The following UNC5B variants were observed in gnomAD, a reference collection of about 807,000 sequenced individuals.
UNC5B encodes the protein netrin receptor UNC5B.
In UNC5B, 56 loss-of-function variants were observed where a neutral mutation model predicts 103.7. That is an observed-to-expected ratio of 0.54 (90% confidence interval 0.44 to 0.67). The LOEUF is 0.67. Ranked by LOEUF, UNC5B falls within the 30% of genes least tolerant of loss-of-function variation. The pLI is 0.00. For missense variants in UNC5B, 1,194 were observed against 1,284.5 expected, an observed-to-expected ratio of 0.93 and a Z score of 1.08; for synonymous variants, 577 against 542.0, an observed-to-expected ratio of 1.06 and a Z score of -0.90.
chr10:71,245,352 C>T (rs747847297), intron 1 of UNC5B, among the ~76,000 whole-genome samples: 1 of 152,280 alleles, frequency 6.6e-6, no homozygotes, highest in East Asian at 1.9e-4. Context: ...CCTACATTCG[C>T]GTTTACCGTG....
intron 13 of UNC5B, 62 bp from the exon 14 acceptor site, chr10:71,295,749 C>T: frequency 6.3e-7 from 1 of 1,576,086 alleles, no homozygotes. Context: ...CGCACAGTGC[C>T]ACAGAAGAGG....
chr10:71,286,082 A>G (rs758341681), intron 4 of UNC5B, among the ~76,000 whole-genome samples: 1 of 152,198 alleles, frequency 6.6e-6, no homozygotes, highest in Non-Finnish European at 1.5e-5. Context: ...CCCCTGGCCC[A>G]TATATGCTAG....
chr10:71,281,813 C>T (rs1347875988), intron 2 of UNC5B, among the ~76,000 whole-genome samples: 1 of 152,236 alleles, frequency 6.6e-6, no homozygotes, highest in Non-Finnish European at 1.5e-5. Flanking sequence ...GTGGCGTACA[C>T]ATAGCACAGA....
intron 1 of UNC5B, among the ~76,000 whole-genome samples, chr10:71,219,621 A>G (rs1292821767): frequency 1.3e-5 from 2 of 152,186 alleles, no homozygotes; most frequent in Non-Finnish European, 2.9e-5. Flanking sequence ...AGACACACCC[A>G]GGATCAATAC....
At chr10:71,241,017 G>T (rs559272384) in intron 1 of UNC5B, among the ~76,000 whole-genome samples, 40 of 152,334 alleles carry the variant, frequency 2.6e-4, no homozygotes, top group African/African-American at 8.4e-4. Flanking sequence ...GTGTCTGAGA[G>T]TCCATCATCA....
chr10:71,275,087 C>G lies in UNC5B; in HGVS notation c.80-4734C>G, dbSNP rs115881130. Among the ~76,000 whole-genome samples the G allele has an allele frequency of 3.2e-3, 484 of 152,354 alleles. 2 individuals carry two copies. The highest frequency in any genetic ancestry group is 0.01 in the African/African-American group (427 of 41,576). On this transcript the variant is annotated intron_variant, in intron 1 of 16. Transcript: ENST00000335350. The stretch of plus-strand genomic sequence containing the variant: ...CAGCTGGGATGCAAACCCAGGGCCT[C>G]TGCCTCCAGCGATCTTTCGTGTCCT...
chr10:71,275,571 G>A (rs1379957815), intron 1 of UNC5B, among the ~76,000 whole-genome samples: 8 of 152,226 alleles, frequency 5.3e-5, no homozygotes, highest in Non-Finnish European at 1.2e-4. Flanking sequence ...TCGGAAGACA[G>A]ATTCTAGTAT....
At chr10:71,260,245 A>T (rs768115735) in intron 1 of UNC5B, among the ~76,000 whole-genome samples, 8 of 152,198 alleles carry the variant, frequency 5.3e-5, no homozygotes, top group Admixed American at 4.6e-4. Flanking sequence ...CCGGCATTCC[A>T]TTCCTTGCCA....
intron 1 of UNC5B, among the ~76,000 whole-genome samples, chr10:71,227,007 C>T (rs375103202): frequency 6.5e-4 from 90 of 138,070 alleles, no homozygotes; most frequent in African/African-American, 2.2e-3. Flanking sequence ...TTCCTTGAAA[C>T]GGAGTCTTGC....
intron 1 of UNC5B, among the ~76,000 whole-genome samples, chr10:71,224,926 C>A (rs900019366): frequency 5.9e-5 from 9 of 152,216 alleles, no homozygotes; most frequent in Non-Finnish European, 1.2e-4. Flanking sequence ...ACCTTCCAGC[C>A]TTCAAAGCCC....
At chr10:71,287,883 C>T (rs1346403206) in intron 6 of UNC5B, 118 bp downstream of exon 6, 8 of 1,379,014 alleles carry the variant, frequency 5.8e-6, no homozygotes, top group African/African-American at 1.5e-5. Flanking sequence ...GTGCTTGTCC[C>T]GAGCCCACAG....
At chr10:71,254,124 G>T (rs556685990) in intron 1 of UNC5B, among the ~76,000 whole-genome samples, 1 of 152,262 alleles carries the variant, frequency 6.6e-6, no homozygotes, top group South Asian at 2.1e-4. Flanking sequence ...CTGACTCTTG[G>T]TTCAATGCTC....
chr10:71,212,895 G>A lies in UNC5B; in HGVS notation c.-91G>A. Reference sequence around the variant, plus strand: ...GCCGGGCGCCGGGGAGGACGGCGAGGAGGAGGCGGCGGCGGCGGAGACGGC... The same window carrying A: ...GCCGGGCGCCGGGGAGGACGGCGAGAAGGAGGCGGCGGCGGCGGAGACGGC... On this transcript the variant is annotated 5_prime_UTR_variant, in exon 1 of 17. Coordinates refer to ENST00000335350, the MANE Select transcript of UNC5B (RefSeq NM_170744.5). 1 of 1,070,748 alleles carries A rather than the reference G, an allele frequency of 9.3e-7. No homozygotes were observed. Among genetic ancestry groups the A allele is most frequent in the Non-Finnish European group, 1.2e-6 (1 of 840,274 alleles). The allele number at this position is 1,070,748 out of a possible 1,614,324, so 66.3% of individuals were successfully genotyped here.
intron 1 of UNC5B, among the ~76,000 whole-genome samples, chr10:71,218,570 G>A (rs1039944243): frequency 3.9e-5 from 6 of 152,348 alleles, no homozygotes; most frequent in African/African-American, 1.2e-4. Context: ...AGATGGGATA[G>A]GCCTGCCTGC....
At chr10:71,289,596 A>C (rs1251525248) in intron 8 of UNC5B, among the ~76,000 whole-genome samples, 1 of 152,238 alleles carries the variant, frequency 6.6e-6, no homozygotes, top group Admixed American at 6.5e-5. Flanking sequence ...CACAATTTCC[A>C]GTTAGTTCTG....
intron 7 of UNC5B, 110 bp from the exon 8 acceptor site, chr10:71,288,848 C>T: frequency 6.4e-7 from 1 of 1,560,500 alleles, no homozygotes; most frequent in Non-Finnish European, 8.8e-7. Context: ...TCCTCAGGGC[C>T]TCTGTCCCCC....
At chr10:71,281,383 C>T (rs1330008428) in intron 2 of UNC5B, among the ~76,000 whole-genome samples, 9 of 151,642 alleles carry the variant, frequency 5.9e-5, no homozygotes, top group Non-Finnish European at 1.0e-4. Flanking sequence ...CTCTGTCACC[C>T]GGGCTAGAGT....
rs1259419603 is a variant in UNC5B at position 71,299,323 on chromosome 10, C to G, written c.*46C>G. On this transcript the variant is annotated 3_prime_UTR_variant, in exon 17 of 17. Coordinates refer to ENST00000335350, the MANE Select transcript of UNC5B (RefSeq NM_170744.5). ...GGCAGGGACTGGCAGGAGGCAGGTG[C>G]AGGGAGGCCTGGGGCAGCCTCCTGA... is the stretch of plus-strand genomic sequence containing the variant. The G allele has an allele frequency of 6.2e-7, 1 of 1,606,178 alleles. No individual in the cohort carries two copies. Among genetic ancestry groups the G allele is most frequent in the East Asian group, 2.2e-5 (1 of 44,832 alleles).
chr10:71,269,051 T>G (rs181230786), intron 1 of UNC5B, among the ~76,000 whole-genome samples: 1 of 152,276 alleles, frequency 6.6e-6, no homozygotes, highest in East Asian at 1.9e-4. Context: ...CAGAGAGAGA[T>G]GCCCAGCGTG....
Sources: gnomAD v4.1 joint callset for allele counts (sites outside exome capture counted in the v4.1 genomes callset) on GRCh38, gnomAD v4.1.1 for gene constraint, MANE v1.5 for transcripts, NCBI Gene and HGNC (gene_info 2026-07-23, HGNC 2026-07-21) for gene names.